The following SLC22A24 variants were observed in gnomAD, a reference collection of about 807,000 sequenced individuals.
SLC22A24 encodes the protein solute carrier family 22 member 24, also known as steroid transmembrane transporter SLC22A24.
SLC22A24 carries 53 observed loss-of-function variants against 49.8 expected under a neutral mutation model. The observed-to-expected ratio is 1.06, with a 90% confidence interval of 0.85 to 1.34. SLC22A24 has a LOEUF of 1.34. SLC22A24 is among the 40% of genes most tolerant of loss of function. The probability of loss-of-function intolerance (pLI) is 0.00; values close to 1 mark genes in which losing one functional copy is unlikely to be tolerated. For missense variants in SLC22A24, 786 were observed against 675.9 expected, an observed-to-expected ratio of 1.16 and a Z score of -1.81; for synonymous variants, 302 against 256.4, an observed-to-expected ratio of 1.18 and a Z score of -1.70.
intron 1 of SLC22A24, among the ~76,000 whole-genome samples, chr11:63,141,990 T>C (rs2087418588): frequency 6.6e-6 from 1 of 152,200 alleles, no homozygotes; most frequent in African/African-American, 2.4e-5. Flanking sequence ...AATTCTAAAT[T>C]ATTTGTGAGT....
Position 63,140,275 on chromosome 11 carries a change from T to C in SLC22A24, c.402+3103A>G, listed in dbSNP as rs574158464. On this transcript the variant is annotated intron_variant, in intron 1 of 9. Transcript: ENST00000612278. ...TTTTGTATTTTTAGTAGAGATGAGG[T>C]TTCACCATGTTGGCCAGGATGGTCT... is the stretch of plus-strand genomic sequence containing the variant. 5.3e-5 allele frequency among the ~76,000 whole-genome samples: 8 copies of C among 152,016 alleles called. No homozygotes were observed. In the East Asian group the frequency reaches 1.5e-3, roughly 29 times the overall value.
chr11:63,137,966 G>T (rs1467851048), intron 1 of SLC22A24: 1 of 152,138 alleles, frequency 6.6e-6, no homozygotes, highest in African/African-American at 2.4e-5. Context: ...CATCTGCAAG[G>T]GTTTGATTAA....
intron 6 of SLC22A24, among the ~76,000 whole-genome samples, chr11:63,087,936 T>A (rs2086997346): frequency 6.6e-6 from 1 of 152,186 alleles, no homozygotes; most frequent in African/African-American, 2.4e-5. Flanking sequence ...AAATCCTCAT[T>A]TCCCTGGAAG....
intron 4 of SLC22A24, among the ~76,000 whole-genome samples, chr11:63,113,035 A>ATATATATATATATAT (rs1236634395): frequency 6.6e-5 from 1 of 15,130 alleles, no homozygotes; most frequent in Non-Finnish European, 1.1e-4. Flanking sequence ...AAAAAAAAAA[A>ATATATATATATATAT]ATATATATAT....
intron 7 of SLC22A24, 142 bp downstream of exon 7, chr11:63,083,101 T>C (rs554795305): frequency 4.4e-6 from 3 of 683,854 alleles, no homozygotes; most frequent in South Asian, 3.8e-5. Flanking sequence ...CAGAATCAGT[T>C]CCAAACCCTC....
At chr11:63,134,876 A>T in intron 1 of SLC22A24, 108 bp from the exon 2 acceptor site, 1 of 681,234 alleles carries the variant, frequency 1.5e-6, no homozygotes, top group South Asian at 2.1e-5. Context: ...TCTGCTAGGC[A>T]GGTCCTGCCT....
chr11:63,108,749 G>C (rs1432494939), intron 4 of SLC22A24, among the ~76,000 whole-genome samples: 1 of 151,206 alleles, frequency 6.6e-6, no homozygotes, highest in East Asian at 1.9e-4. Context: ...TCTGATGGTA[G>C]TATGCATTTC....
intron 4 of SLC22A24, chr11:63,118,569 T>C (rs1000448237): frequency 2.0e-6 from 1 of 505,362 alleles, no homozygotes; most frequent in African/African-American, 1.9e-5. Context: ...TTATATTCAA[T>C]CTCAGTTACA....
chr11:63,141,379 G>A (rs548070885), intron 1 of SLC22A24, among the ~76,000 whole-genome samples: 128 of 152,252 alleles, frequency 8.4e-4, no homozygotes, highest in African/African-American at 2.8e-3. Context: ...TGCTATCTTC[G>A]TTGGGTTTTG....
chr11:63,132,102 G>T (rs1279464511), intron 2 of SLC22A24, among the ~76,000 whole-genome samples: 1 of 152,132 alleles, frequency 6.6e-6, no homozygotes, highest in Non-Finnish European at 1.5e-5. Flanking sequence ...GCATCACAAA[G>T]TTCTCATGCT....
chr11:63,107,664 G>T (rs2087130761), intron 4 of SLC22A24, among the ~76,000 whole-genome samples: 2 of 152,024 alleles, frequency 1.3e-5, no homozygotes, highest in Admixed American at 1.3e-4. Flanking sequence ...TTGTAAGTTG[G>T]ATTCCTAGGT....
At chr11:63,128,719 G>C (rs911746945) in intron 2 of SLC22A24, among the ~76,000 whole-genome samples, 2 of 152,102 alleles carry the variant, frequency 1.3e-5, no homozygotes, top group African/African-American at 4.8e-5. Flanking sequence ...CCCCCGTCCA[G>C]TGGACACATG....
intron 2 of SLC22A24, among the ~76,000 whole-genome samples, chr11:63,123,696 G>A (rs1417366283): frequency 1.3e-5 from 2 of 152,004 alleles, no homozygotes; most frequent in Admixed American, 6.6e-5. Context: ...ATATCCCCTT[G>A]GATTCTTCTG....
At chr11:63,125,144 G>A (rs183945480) in intron 2 of SLC22A24, among the ~76,000 whole-genome samples, 187 of 151,966 alleles carry the variant, frequency 1.2e-3, no homozygotes, top group Non-Finnish European at 2.3e-3. Flanking sequence ...TTTCATTGAA[G>A]TTTATTTTTC....
At chr11:63,129,265 T>C (rs2087316264) in intron 2 of SLC22A24, among the ~76,000 whole-genome samples, 1 of 152,224 alleles carries the variant, frequency 6.6e-6, no homozygotes, top group Non-Finnish European at 1.5e-5. Context: ...TTGTCAGATT[T>C]GTGAAAGATC....
chr11:63,107,056 G>C (rs2087126464), intron 4 of SLC22A24, among the ~76,000 whole-genome samples: 1 of 152,044 alleles, frequency 6.6e-6, no homozygotes, highest in African/African-American at 2.4e-5. Flanking sequence ...GGGTTTTTAT[G>C]GTTTTAGATC....
At chr11:63,109,344 T>A (rs2087145600) in intron 4 of SLC22A24, among the ~76,000 whole-genome samples, 1 of 148,336 alleles carries the variant, frequency 6.7e-6, no homozygotes, top group South Asian at 2.3e-4. Context: ...TGATTTATAG[T>A]CCTTTGGGTA....
chr11:63,140,058 AGTTTTTTT>A (rs1001948377), intron 1 of SLC22A24, among the ~76,000 whole-genome samples: 3 of 147,622 alleles, frequency 2.0e-5, no homozygotes, highest in African/African-American at 5.0e-5. Context: ...AAATAGAGAC[AGTTTTTTT>A]GTTTTTTTGT....
At chr11:63,140,547 A>G (rs187612877) in intron 1 of SLC22A24, among the ~76,000 whole-genome samples, 2 of 152,298 alleles carry the variant, frequency 1.3e-5, no homozygotes, top group East Asian at 1.9e-4. Context: ...TAGATTATAG[A>G]TGAGGCTTGG....
Sources: gnomAD v4.1 joint callset for allele counts (sites outside exome capture counted in the v4.1 genomes callset) on GRCh38, gnomAD v4.1.1 for gene constraint, MANE v1.5 for transcripts, NCBI Gene and HGNC (gene_info 2026-07-23, HGNC 2026-07-21) for gene names.